Variants in MMD2 observed in about 807,000 individuals in gnomAD.
MMD2 encodes monocyte to macrophage differentiation factor 2.
A neutral mutation model predicts 33.5 loss-of-function variants in MMD2; 30 were observed. That is an observed-to-expected ratio of 0.90 (90% CI 0.67 to 1.22). The LOEUF is 1.22. Among genes scored for constraint, MMD2 ranks in the 50% most tolerant of loss-of-function variants. The pLI, the probability that MMD2 is intolerant of heterozygous loss-of-function variation, is 0.00. For missense variants in MMD2, 364 were observed against 325.4 expected, an observed-to-expected ratio of 1.12 and a Z score of -0.91; for synonymous variants, 129 against 123.0, an observed-to-expected ratio of 1.05 and a Z score of -0.32.
At chr7:4,893,721 G>C in the MMD2 span, among the ~76,000 whole-genome samples, 345 of 152,104 alleles carry the variant, frequency 2.3e-3, no homozygotes, top group African/African-American at 7.9e-3. Context: ...CTGAACAAGG[G>C]GTGGATTATT....
the MMD2 span, among the ~76,000 whole-genome samples, chr7:4,898,003 G>A: frequency 6.6e-6 from 1 of 152,166 alleles, no homozygotes; most frequent in Non-Finnish European, 1.5e-5. Context: ...CTCCCAAAGT[G>A]CTGGGATTAC....
chr7:4,949,728 T>C (rs1786188709), intron 1 of MMD2, among the ~76,000 whole-genome samples: 1 of 151,968 alleles, frequency 6.6e-6, no homozygotes, highest in African/African-American at 2.4e-5. Flanking sequence ...GCCAGGATGG[T>C]CTCGAACTCC....
At chr7:4,917,335 C>T (rs1785166694) in intron 3 of MMD2, among the ~76,000 whole-genome samples, 1 of 152,090 alleles carries the variant, frequency 6.6e-6, no homozygotes. Flanking sequence ...TTAGCTAATA[C>T]CCAGCACAGT....
At chr7:4,907,694 TGC>T in intron 6 of MMD2, 95 bp from the exon 7 acceptor site, 1 of 1,260,088 alleles carries the variant, frequency 7.9e-7, no homozygotes, top group Middle Eastern at 2.7e-4. Context: ...CCAAAAGACA[TGC>T]AGATGGCAAA....
rs117383791 is a variant in MMD2 at position 4,954,920 on chromosome 7, A to G, written c.47+4051T>C. Among the ~76,000 whole-genome samples the G allele has an allele frequency of 7.5e-4, 114 of 152,288 alleles. 2 individuals are homozygous for G. In the East Asian group the frequency reaches 0.02, roughly 27 times the overall value. On this transcript the variant is annotated intron_variant, in intron 1 of 6. Coordinates refer to ENST00000401401, the MANE Select transcript of MMD2 (RefSeq NM_198403.4). ...CTGTATGGTGTGAGGTAGGGTTCCT[A>G]TTCCACTGTTCTCATCTGAATAATG...
chr7:4,944,137 T>C (rs1444882864), intron 1 of MMD2, among the ~76,000 whole-genome samples: 1 of 151,322 alleles, frequency 6.6e-6, no homozygotes, highest in African/African-American at 2.4e-5. Flanking sequence ...TAGCTGGGTA[T>C]GGTGGCACAC....
intron 1 of MMD2, 127 bp downstream of exon 1, chr7:4,958,844 G>A: frequency 1.2e-6 from 1 of 816,022 alleles, no homozygotes; most frequent in Non-Finnish European, 1.7e-6. Context: ...TCGGGCGGGG[G>A]TCAGGGGTCC....
chr7:4,933,641 T>C (rs942173659), intron 1 of MMD2, among the ~76,000 whole-genome samples: 3 of 151,826 alleles, frequency 2.0e-5, no homozygotes, highest in Middle Eastern at 6.8e-3. Context: ...GGATAATAAA[T>C]GCATTTTTTT....
At chr7:4,899,041 G>A in the MMD2 span, among the ~76,000 whole-genome samples, 1 of 152,052 alleles carries the variant, frequency 6.6e-6, no homozygotes, top group Non-Finnish European at 1.5e-5. Context: ...GGTCAGGGAG[G>A]CTGCATCTTC....
chr7:4,942,232 C>A (rs557777963), intron 1 of MMD2, among the ~76,000 whole-genome samples: 1 of 151,476 alleles, frequency 6.6e-6, no homozygotes, highest in South Asian at 2.1e-4. Context: ...GGATTACAGG[C>A]ATGAGCCACC....
intron 1 of MMD2, among the ~76,000 whole-genome samples, chr7:4,957,123 G>T (rs1004326584): frequency 2.0e-5 from 3 of 150,370 alleles, no homozygotes; most frequent in African/African-American, 4.9e-5. Flanking sequence ...CTGAGATCAC[G>T]CCACCGCACT....
intron 1 of MMD2, among the ~76,000 whole-genome samples, chr7:4,931,534 G>C (rs1785587069): frequency 6.6e-6 from 1 of 151,700 alleles, no homozygotes; most frequent in Non-Finnish European, 1.5e-5. Context: ...CTCACTGCAA[G>C]CTTGAACTCC....
chr7:4,943,004 C>CTTTTTT (rs33983457), intron 1 of MMD2, among the ~76,000 whole-genome samples: 143 of 85,658 alleles, frequency 1.7e-3, no homozygotes, highest in East Asian at 2.5e-3. Flanking sequence ...CTGCCCTTTT[C>CTTTTTT]TTTTTTTTTT....
intron 3 of MMD2, among the ~76,000 whole-genome samples, chr7:4,917,254 G>C (rs1485643810): frequency 6.6e-6 from 1 of 152,108 alleles, no homozygotes; most frequent in Non-Finnish European, 1.5e-5. Context: ...TTCGCTCTAG[G>C]TCTCAGCTTC....
intron 3 of MMD2, among the ~76,000 whole-genome samples, chr7:4,917,600 G>A (rs903300157): frequency 1.3e-5 from 2 of 151,940 alleles, no homozygotes; most frequent in Admixed American, 6.6e-5. Context: ...GATGAAGCAG[G>A]AGAATGGCAT....
intron 2 of MMD2, among the ~76,000 whole-genome samples, chr7:4,923,101 CT>C (rs879361071): frequency 5.9e-4 from 86 of 144,832 alleles, no homozygotes; most frequent in Admixed American, 6.9e-4. Flanking sequence ...CAATTCAGCA[CT>C]TTTTTTTTTT....
At chr7:4,934,516 C>A (rs1261046291) in intron 1 of MMD2, among the ~76,000 whole-genome samples, 1 of 152,210 alleles carries the variant, frequency 6.6e-6, no homozygotes, top group Non-Finnish European at 1.5e-5. Context: ...AAAGAGCCGA[C>A]GTTTCCAGCA....
At position 4,922,475 on chromosome 7, in the gene MMD2, A is replaced by T. The variant is rs369757595; in HGVS notation, c.130-2144T>A. Among the ~76,000 whole-genome samples, 939 of 152,218 alleles carry T rather than the reference A, an allele frequency of 6.2e-3. 4 individuals carry two copies. Among genetic ancestry groups the T allele is most frequent in the African/African-American group, 0.018 (730 of 41,548 alleles). On this transcript the variant is annotated intron_variant, in intron 2 of 6. Transcript: ENST00000401401. ...GTCCCAGCAAGACTCCATTTAAAAA[A>T]AAATAAATAAACAGCAGCTATCCAT...
chr7:4,920,888 T>G (rs1785266377), intron 2 of MMD2, among the ~76,000 whole-genome samples: 1 of 151,950 alleles, frequency 6.6e-6, no homozygotes, highest in Non-Finnish European at 1.5e-5. Context: ...TGGCCAATTT[T>G]TATATTTTTT....
Sources: allele counts gnomAD v4.1 joint callset (sites outside exome capture counted in the v4.1 genomes callset), GRCh38; gene constraint gnomAD v4.1.1; transcripts MANE v1.5; gene names NCBI Gene and HGNC (gene_info 2026-07-23, HGNC 2026-07-21).